DYTN: variants seen among roughly 807,000 people sequenced by gnomAD.
DYTN encodes the protein dystrotelin.
In DYTN, 75 loss-of-function variants were observed where a neutral mutation model predicts 69.6. That is an observed-to-expected ratio of 1.08 (90% CI 0.89 to 1.31). The LOEUF (loss-of-function observed/expected upper bound fraction) is 1.31. DYTN is among the 50% of genes most tolerant of loss of function. The pLI is 0.00. For synonymous variants in DYTN, 252 were observed against 249.1 expected (o/e 1.01, Z -0.11); for missense variants, 726 against 688.4 (o/e 1.05, Z -0.61).
At chr2:206,688,971 C>G (rs1287056743) in intron 9 of DYTN, among the ~76,000 whole-genome samples, 1 of 152,018 alleles carries the variant, frequency 6.6e-6, no homozygotes, top group Non-Finnish European at 1.5e-5. Context: ...TCATTTGAAG[C>G]CTATTAATTC....
intron 9 of DYTN, among the ~76,000 whole-genome samples, chr2:206,683,475 C>A (rs1346641994): frequency 6.6e-6 from 1 of 151,158 alleles, no homozygotes; most frequent in Non-Finnish European, 1.5e-5. Flanking sequence ...TCCCAAGTAG[C>A]TGGGATTACT....
Position 206,682,330 on chromosome 2 carries a change from G to C in DYTN, c.980+10845C>G, listed in dbSNP as rs74912037. Among the ~76,000 whole-genome samples the C allele has an allele frequency of 1.8e-3, 269 of 152,004 alleles. 2 individuals are homozygous for C. Among genetic ancestry groups the C allele is most frequent in the Non-Finnish European group, 3.3e-3 (223 of 67,966 alleles). ...TGTTAATTTTTTTCAAATTAATCCA[G>C]CTCCTGGATTCATTGACTTTTCAAG... On this transcript the variant is annotated intron_variant, in intron 9 of 11. Coordinates refer to ENST00000452335, the MANE Select transcript of DYTN (RefSeq NM_001093730.1).
intron 9 of DYTN, among the ~76,000 whole-genome samples, chr2:206,675,145 G>GTGTGTGTGTGTGTGTATA (rs1415225495): frequency 0.057 from 6,771 of 118,508 alleles, 182 homozygotes; most frequent in East Asian, 0.11. Context: ...GTGTGTGTGT[G>GTGTGTGTGTGTGTGTATA]TATATATGTG....
chr2:206,707,335 A>G lies in DYTN; in HGVS notation c.263T>C (p.Leu88Pro). ...CATTGTCGTGAGAAGGCTCAGAGTG[A>G]GTTCCGGAGCTCTGGGATGCACTTG... ...PGQVHPRAPE[L>P]TLSLLTTMYN... is the part of the protein sequence containing the mutation. The change falls in exon 3 of 12, where the codon CTC becomes CCC. Residue 88 changes from leucine to proline, a missense_variant. Coordinates refer to ENST00000452335, the MANE Select transcript of DYTN (RefSeq NM_001093730.1). 6.2e-7 allele frequency: 1 copy of G among 1,612,634 alleles called. No homozygotes were observed. Among genetic ancestry groups the G allele is most frequent in the Non-Finnish European group, 8.5e-7 (1 of 1,179,500 alleles).
At chr2:206,692,459 G>C (rs1220277442) in intron 9 of DYTN, among the ~76,000 whole-genome samples, 1 of 152,036 alleles carries the variant, frequency 6.6e-6, no homozygotes, top group African/African-American at 2.4e-5. Flanking sequence ...TCTGAATTTC[G>C]AGGATTAACC....
intron 9 of DYTN, among the ~76,000 whole-genome samples, chr2:206,670,117 T>C (rs1699614794): frequency 1.3e-5 from 2 of 152,202 alleles, no homozygotes; most frequent in African/African-American, 4.8e-5. Context: ...ATAAACCTAG[T>C]AGAAAGTTAG....
intron 3 of DYTN, 108 bp from the exon 4 acceptor site, chr2:206,705,981 A>G (rs16838632): frequency 0.3 from 367,819 of 1,244,992 alleles, 55,566 homozygotes; most frequent in East Asian, 0.48. Context: ...ATATGGTGCT[A>G]TAAGTTCCAA....
chr2:206,700,144 C>T lies in DYTN; in HGVS notation c.555+1G>A. 2 of 1,613,946 alleles carry T rather than the reference C, an allele frequency of 1.2e-6. No homozygotes were observed. Among genetic ancestry groups the T allele is most frequent in the South Asian group, 2.2e-5 (2 of 91,078 alleles). On this transcript the variant is annotated splice_donor_variant, in intron 6 of 11. Coordinates refer to ENST00000452335, the MANE Select transcript of DYTN (RefSeq NM_001093730.1). LOFTEE classifies it high-confidence loss of function. ...TCCAGGGACATTTGCAAGGCACTCA[C>T]CCCTTGGAAACAGCTGCGGGTGGCA...
At chr2:206,704,204 C>A (rs1015651790) in intron 5 of DYTN, among the ~76,000 whole-genome samples, 3 of 152,140 alleles carry the variant, frequency 2.0e-5, no homozygotes, top group Non-Finnish European at 1.5e-5. Flanking sequence ...GAAGCATCAT[C>A]TACCATAATT....
chr2:206,666,040 A>G lies in DYTN; in HGVS notation c.981-11T>C, dbSNP rs777595252. ...TGTTTTTTAAGGAGCCTGAAAAGAG[A>G]ACAGATTTGAGCGGTTTGGAAGGGC... On this transcript the variant is annotated splice_polypyrimidine_tract_variant and intron_variant, in intron 9 of 11. Transcript: ENST00000452335. 2.5e-6 allele frequency: 4 copies of G among 1,612,872 alleles called. No homozygotes were observed. Among genetic ancestry groups the G allele is most frequent in the Non-Finnish European group, 3.4e-6 (4 of 1,179,372 alleles).
chr2:206,668,684 T>C (rs1478986526), intron 9 of DYTN, among the ~76,000 whole-genome samples: 1 of 152,224 alleles, frequency 6.6e-6, no homozygotes, highest in East Asian at 1.9e-4. Flanking sequence ...AGTTAAATGT[T>C]ATTTAATTTG....
At chr2:206,715,953 T>C (rs1351211169) in intron 1 of DYTN, among the ~76,000 whole-genome samples, 1 of 152,076 alleles carries the variant, frequency 6.6e-6, no homozygotes, top group African/African-American at 2.4e-5. Flanking sequence ...CTGGGTGTGG[T>C]GGTGCGTGCC....
chr2:206,656,328 A>C lies in DYTN; in HGVS notation c.1634-4407T>G, dbSNP rs1159878010. On this transcript the variant is annotated intron_variant, in intron 11 of 11. Transcript: ENST00000452335. Reference sequence around the variant, plus strand: ...TGCTATTTTTGAATACCATTAACATAAAATATCTTTTTCCATACCTTCATT... The same window carrying C: ...TGCTATTTTTGAATACCATTAACATCAAATATCTTTTTCCATACCTTCATT... Among the ~76,000 whole-genome samples the C allele has an allele frequency of 3.3e-5, 5 of 152,190 alleles. No individual in the cohort carries two copies. The East Asian group carries it at 9.6e-4, about 29-fold the overall frequency.
At chr2:206,693,351 A>G in intron 8 of DYTN, 28 bp from the exon 9 acceptor site, 3 of 1,605,886 alleles carry the variant, frequency 1.9e-6, no homozygotes, top group Non-Finnish European at 2.5e-6. Context: ...ATTTTTAAAA[A>G]GCGTCAGATC....
chr2:206,683,729 G>A (rs1232812707), intron 9 of DYTN, among the ~76,000 whole-genome samples: 1 of 151,732 alleles, frequency 6.6e-6, no homozygotes, highest in Admixed American at 6.6e-5. Flanking sequence ...TAAAATTAAT[G>A]GCAAAAACCG....
intron 9 of DYTN, among the ~76,000 whole-genome samples, chr2:206,669,620 C>G (rs1005098025): frequency 3.7e-4 from 57 of 152,080 alleles, no homozygotes; most frequent in African/African-American, 1.3e-3. Flanking sequence ...TTTAAATAAT[C>G]ATTTTAAGAA....
intron 1 of DYTN, among the ~76,000 whole-genome samples, chr2:206,716,256 G>A (rs1474985101): frequency 6.6e-6 from 1 of 152,172 alleles, no homozygotes; most frequent in Non-Finnish European, 1.5e-5. Flanking sequence ...GATACTGAGT[G>A]CCAGGCACTG....
intron 11 of DYTN, among the ~76,000 whole-genome samples, chr2:206,654,376 T>C (rs1007755856): frequency 1.3e-5 from 2 of 152,340 alleles, no homozygotes; most frequent in African/African-American, 4.8e-5. Context: ...ATCTTTATGA[T>C]GATCTACTTC....
chr2:206,667,487 CAT>C (rs1699586015), intron 9 of DYTN, among the ~76,000 whole-genome samples: 2 of 152,174 alleles, frequency 1.3e-5, no homozygotes, highest in Admixed American at 1.3e-4. Context: ...TCTCCTCCAG[CAT>C]GGCCAAACTC....
Sources: allele counts gnomAD v4.1 joint callset (sites outside exome capture counted in the v4.1 genomes callset), GRCh38; gene constraint gnomAD v4.1.1; transcripts MANE v1.5; gene names NCBI Gene and HGNC (gene_info 2026-07-23, HGNC 2026-07-21).